Variants in PRKCB observed in about 807,000 individuals in gnomAD.
PRKCB encodes the protein protein kinase C beta.
PRKCB carries 13 observed loss-of-function variants against 81.5 expected under a neutral mutation model. The ratio of observed to expected loss-of-function variants is 0.16; its 90% confidence interval spans 0.10 to 0.25. The LOEUF is 0.25. Ranked by LOEUF, PRKCB falls within the 10% of genes least tolerant of loss-of-function variation. PRKCB has a pLI of 1.00. For missense variants in PRKCB, 509 were observed against 875.7 expected (o/e 0.58, Z 5.29); for synonymous variants, 335 against 321.4 (o/e 1.04, Z -0.45).
At chr16:23,958,295 CTTATTA>C (rs575228832) in intron 2 of PRKCB, among the ~76,000 whole-genome samples, 1 of 144,920 alleles carries the variant, frequency 6.9e-6, no homozygotes, top group Non-Finnish European at 1.5e-5. Context: ...CCTGGCCTAT[CTTATTA>C]TTATTATTAT....
intron 3 of PRKCB, among the ~76,000 whole-genome samples, chr16:23,997,432 A>G (rs74015217): frequency 0.057 from 8,744 of 152,286 alleles, 818 homozygotes; most frequent in African/African-American, 0.2. Flanking sequence ...AGGAACCACC[A>G]CCAGCTGAGG....
At chr16:24,143,334 T>C (rs906257745) in intron 9 of PRKCB, among the ~76,000 whole-genome samples, 31 of 152,086 alleles carry the variant, frequency 2.0e-4, no homozygotes, top group African/African-American at 7.5e-4. Context: ...GGTTTCACCA[T>C]GTTGGCCAGG....
chr16:24,091,963 G>C (rs1483513215), intron 5 of PRKCB, among the ~76,000 whole-genome samples: 1 of 152,212 alleles, frequency 6.6e-6, no homozygotes, highest in Non-Finnish European at 1.5e-5. Flanking sequence ...CCTTGGTTTA[G>C]AGGGTAATTC....
chr16:23,840,085 A>G (rs1390487645), intron 2 of PRKCB, among the ~76,000 whole-genome samples: 1 of 152,140 alleles, frequency 6.6e-6, no homozygotes, highest in Admixed American at 6.5e-5. Context: ...TGAAATTGAG[A>G]TGTTTAGAAT....
At chr16:23,862,816 G>A (rs901605571) in intron 2 of PRKCB, among the ~76,000 whole-genome samples, 1 of 152,040 alleles carries the variant, frequency 6.6e-6, no homozygotes, top group African/African-American at 2.4e-5. Context: ...GACTTGCTGG[G>A]CTGCATTCCC....
At chr16:23,904,824 TTGAG>T (rs1963531735) in intron 2 of PRKCB, among the ~76,000 whole-genome samples, 1 of 152,072 alleles carries the variant, frequency 6.6e-6, no homozygotes, top group Admixed American at 6.6e-5. Context: ...CTTTTCCTCT[TTGAG>T]TGGTAAAATC....
At chr16:24,187,835 C>T (rs1309493396) in intron 15 of PRKCB, among the ~76,000 whole-genome samples, 1 of 152,222 alleles carries the variant, frequency 6.6e-6, no homozygotes, top group Non-Finnish European at 1.5e-5. Flanking sequence ...TGGGCCACTG[C>T]ACCCAGCCTA....
At chr16:23,912,999 AT>A (rs920717370) in intron 2 of PRKCB, among the ~76,000 whole-genome samples, 1 of 151,798 alleles carries the variant, frequency 6.6e-6, no homozygotes, top group African/African-American at 2.4e-5. Context: ...TAATTGTTGT[AT>A]TTTTTATAGA....
chr16:23,884,220 A>T (rs1407092363), intron 2 of PRKCB, among the ~76,000 whole-genome samples: 1 of 152,162 alleles, frequency 6.6e-6, no homozygotes, highest in African/African-American at 2.4e-5. Flanking sequence ...CTTGAACCCT[A>T]ATTTGACTCT....
intron 16 of PRKCB, among the ~76,000 whole-genome samples, chr16:24,192,082 C>A (rs1967802224): frequency 1.3e-5 from 2 of 152,158 alleles, no homozygotes; most frequent in Non-Finnish European, 2.9e-5. Context: ...ATCATTGAAA[C>A]CTAACGTTGT....
At chr16:23,913,365 G>T (rs1397114921) in intron 2 of PRKCB, among the ~76,000 whole-genome samples, 7 of 152,080 alleles carry the variant, frequency 4.6e-5, no homozygotes, top group African/African-American at 4.8e-5. Flanking sequence ...GACTGGCCAG[G>T]CTTAGTCAAG....
intron 5 of PRKCB, among the ~76,000 whole-genome samples, chr16:24,075,923 T>C (rs1596538122): frequency 6.6e-6 from 1 of 152,354 alleles, no homozygotes; most frequent in African/African-American, 2.4e-5. Context: ...GAGCAGGGCC[T>C]GAGATCATGC....
At chr16:24,123,350 A>G (rs8061265) in intron 8 of PRKCB, among the ~76,000 whole-genome samples, 7,901 of 152,258 alleles carry the variant, frequency 0.052, 686 homozygotes, top group African/African-American at 0.18. Context: ...CACCCTAGCA[A>G]TGATGGAGCT....
chr16:24,156,863 C>T (rs1041963586), intron 10 of PRKCB, among the ~76,000 whole-genome samples: 2 of 152,146 alleles, frequency 1.3e-5, no homozygotes, highest in Admixed American at 1.3e-4. Context: ...TTGACATCAT[C>T]AGGCAAAGGA....
At chr16:24,081,271 A>G (rs1281133608) in intron 5 of PRKCB, among the ~76,000 whole-genome samples, 1 of 152,160 alleles carries the variant, frequency 6.6e-6, no homozygotes, top group Non-Finnish European at 1.5e-5. Flanking sequence ...TAATAAAAAA[A>G]AAAATCAACC....
At chr16:24,082,299 A>AG (rs1360362244) in intron 5 of PRKCB, among the ~76,000 whole-genome samples, 1 of 152,236 alleles carries the variant, frequency 6.6e-6, no homozygotes, top group Non-Finnish European at 1.5e-5. Context: ...ATTGATTTGT[A>AG]GGCTTAATGA....
In PRKCB at chr16:24,185,293, C is replaced by T. The variant is rs559383009; in HGVS notation, c.1614+102C>T. On this transcript the variant is annotated intron_variant, in intron 14 of 16. Transcript: ENST00000643927. ...TTTGGTAACAGCTCATAAATTGGAACCTCTATGACTTTCCCGGCCTTGGGG... is the reference window on the plus strand; with the variant it reads ...TTTGGTAACAGCTCATAAATTGGAATCTCTATGACTTTCCCGGCCTTGGGG... 38 of 1,287,716 alleles carry T rather than the reference C, an allele frequency of 3.0e-5. No individual in the cohort carries two copies. The Admixed American group carries it at 7.0e-4, about 24-fold the overall frequency. 79.8% of individuals were successfully genotyped at this position (1,287,716 alleles called of 1,614,324 possible).
intron 5 of PRKCB, among the ~76,000 whole-genome samples, chr16:24,086,857 G>A (rs1966316583): frequency 6.6e-6 from 1 of 152,028 alleles, no homozygotes; most frequent in Non-Finnish European, 1.5e-5. Flanking sequence ...TGTAGAAAAT[G>A]CATTTTACTG....
intron 3 of PRKCB, among the ~76,000 whole-genome samples, chr16:24,019,762 TA>T (rs1376852763): frequency 2.5e-3 from 330 of 133,730 alleles, no homozygotes; most frequent in African/African-American, 2.7e-3. Context: ...AGGCCTTGCC[TA>T]AAAAAAAAAA....
Sources: gnomAD v4.1 joint callset for allele counts (sites outside exome capture counted in the v4.1 genomes callset) on GRCh38, gnomAD v4.1.1 for gene constraint, MANE v1.5 for transcripts, NCBI Gene and HGNC (gene_info 2026-07-23, HGNC 2026-07-21) for gene names.